The following RSU1 variants were observed in gnomAD, a reference collection of about 807,000 sequenced individuals.
RSU1 encodes rsu-1.
A neutral mutation model predicts 31.1 loss-of-function variants in RSU1; 26 were observed. The observed-to-expected ratio is 0.84, with a 90% CI of 0.61 to 1.16. RSU1 has a LOEUF of 1.16. RSU1 is among the 50% of genes most tolerant of loss of function. The pLI, the probability that RSU1 is intolerant of heterozygous loss-of-function variation, is 0.00. For missense variants in RSU1, 320 were observed against 339.1 expected (o/e 0.94, Z 0.44); for synonymous variants, 164 against 136.3 (o/e 1.20, Z -1.41).
intron 2 of RSU1, among the ~76,000 whole-genome samples, chr10:16,802,651 G>A (rs532534790): frequency 2.6e-5 from 4 of 152,148 alleles, no homozygotes; most frequent in South Asian, 2.1e-4. Flanking sequence ...TCTACAAAGC[G>A]TTAGCAAATA....
Position 16,695,100 on chromosome 10 carries a change from C to A in RSU1, c.654G>T (p.Trp218Cys), listed in dbSNP as rs1223067059. The change falls in exon 8 of 9, where the codon TGG (tryptophan) becomes TGT (cysteine). Residue 218 changes from tryptophan (W) to cysteine (C), a missense_variant. Transcript: ENST00000345264. ...KQVFKAENNP[W>C]VTPIADQFQL... ...GGAACTGGTCTGCAATGGGGGTCAC[C>A]CAGGGATTGTTCTCTGCTTTGAATA... is the stretch of plus-strand genomic sequence containing the variant. The A allele has an allele frequency of 6.2e-7, 1 of 1,610,894 alleles. No individual in the cohort carries two copies. The highest frequency in any genetic ancestry group is 8.5e-7 in the Non-Finnish European group (1 of 1,179,210).
chr10:16,641,997 TAA>T (rs1264482607), intron 8 of RSU1, among the ~76,000 whole-genome samples: 1 of 152,200 alleles, frequency 6.6e-6, no homozygotes, highest in Non-Finnish European at 1.5e-5. Context: ...GCTGACAATC[TAA>T]GATTCAGCTA....
intron 4 of RSU1, among the ~76,000 whole-genome samples, chr10:16,761,855 C>T (rs1265527378): frequency 6.6e-6 from 1 of 151,920 alleles, no homozygotes; most frequent in African/African-American, 2.4e-5. Flanking sequence ...GACTCTGTCT[C>T]AAAAACAAAA....
At chr10:16,733,925 T>C (rs190548290) in intron 7 of RSU1, among the ~76,000 whole-genome samples, 61 of 152,322 alleles carry the variant, frequency 4.0e-4, no homozygotes, top group Non-Finnish European at 7.1e-4. Context: ...TAGATAGCAA[T>C]TGCTTTCAAT....
chr10:16,750,682 C>G, intron 7 of RSU1, among the ~76,000 whole-genome samples: 1 of 152,032 alleles, frequency 6.6e-6, no homozygotes, highest in South Asian at 2.1e-4. Flanking sequence ...ACCACACTAA[C>G]CAAGCATACA....
At chr10:16,642,419 C>A (rs754223619) in intron 8 of RSU1, among the ~76,000 whole-genome samples, 8 of 152,288 alleles carry the variant, frequency 5.3e-5, no homozygotes, top group Middle Eastern at 6.8e-3. Flanking sequence ...CAATAGGAAT[C>A]TATTACCAGT....
chr10:16,766,435 G>GC (rs1837316530), intron 3 of RSU1, among the ~76,000 whole-genome samples: 1 of 152,160 alleles, frequency 6.6e-6, no homozygotes, highest in Non-Finnish European at 1.5e-5. Context: ...AATCACCAGG[G>GC]CCGGGAGCGG....
intron 8 of RSU1, among the ~76,000 whole-genome samples, chr10:16,686,843 T>C (rs1050390194): frequency 2.1e-5 from 3 of 142,676 alleles, no homozygotes; most frequent in African/African-American, 7.4e-5. Context: ...CTCCCTTTGA[T>C]GTTGCAGCTG....
At chr10:16,764,534 G>A (rs1392312627) in intron 3 of RSU1, 24 bp from the exon 4 acceptor site, 4 of 1,603,820 alleles carry the variant, frequency 2.5e-6, no homozygotes, top group Non-Finnish European at 3.4e-6. Context: ...AATGCTGAGT[G>A]TGAATCTGGG....
At chr10:16,701,615 TAC>T (rs45628736) in intron 7 of RSU1, among the ~76,000 whole-genome samples, 56,230 of 150,866 alleles carry the variant, frequency 0.37, 10,600 homozygotes, top group Middle Eastern at 0.46. Context: ...TAGTACAACT[TAC>T]ACACACACAC....
At chr10:16,787,942 T>C (rs2131656872) in intron 2 of RSU1, among the ~76,000 whole-genome samples, 1 of 152,356 alleles carries the variant, frequency 6.6e-6, no homozygotes, top group African/African-American at 2.4e-5. Context: ...TTTGTGGCTT[T>C]TAAACAGAAT....
At chr10:16,747,277 T>C (rs1182462825) in intron 7 of RSU1, among the ~76,000 whole-genome samples, 1 of 152,206 alleles carries the variant, frequency 6.6e-6, no homozygotes, top group Non-Finnish European at 1.5e-5. Flanking sequence ...CTCTTAAATG[T>C]ATGCTGATAA....
intron 7 of RSU1, among the ~76,000 whole-genome samples, chr10:16,735,054 T>G (rs1229434723): frequency 6.6e-6 from 1 of 152,174 alleles, no homozygotes; most frequent in Non-Finnish European, 1.5e-5. Context: ...ATTTTGACAT[T>G]AGACTTCTAA....
intron 8 of RSU1, among the ~76,000 whole-genome samples, chr10:16,669,660 C>A (rs1411164768): frequency 1.3e-5 from 2 of 152,142 alleles, no homozygotes; most frequent in Non-Finnish European, 2.9e-5. Context: ...CTCCCACTTA[C>A]AAATGAGAAC....
intron 7 of RSU1, among the ~76,000 whole-genome samples, chr10:16,748,920 C>G (rs1214277983): frequency 6.6e-6 from 1 of 151,788 alleles, no homozygotes; most frequent in African/African-American, 2.4e-5. Flanking sequence ...TTCTCTCTCT[C>G]TTTCTTCTGT....
intron 8 of RSU1, among the ~76,000 whole-genome samples, chr10:16,636,892 AC>A (rs1177269697): frequency 6.6e-5 from 10 of 152,292 alleles, no homozygotes; most frequent in African/African-American, 2.4e-4. Context: ...ACCATTGGGC[AC>A]AATACACAGC....
At chr10:16,764,622 G>A (rs1837276796) in intron 3 of RSU1, 112 bp from the exon 4 acceptor site, 2 of 1,162,518 alleles carry the variant, frequency 1.7e-6, no homozygotes, top group Non-Finnish European at 2.4e-6. Context: ...ACTTCAAAAG[G>A]GCCATCGAAT....
At chr10:16,701,515 G>C (rs1418890403) in intron 7 of RSU1, among the ~76,000 whole-genome samples, 1 of 152,070 alleles carries the variant, frequency 6.6e-6, no homozygotes, top group African/African-American at 2.4e-5. Flanking sequence ...TTTAAAAGAG[G>C]CATTCTGTAC....
At chr10:16,797,400 G>A (rs1272287532) in intron 2 of RSU1, among the ~76,000 whole-genome samples, 1 of 152,212 alleles carries the variant, frequency 6.6e-6, no homozygotes, top group East Asian at 1.9e-4. Context: ...AAATCAACCA[G>A]AGGACAGAGC....
Sources: gnomAD v4.1 joint callset for allele counts (sites outside exome capture counted in the v4.1 genomes callset) on GRCh38, gnomAD v4.1.1 for gene constraint, MANE v1.5 for transcripts, NCBI Gene and HGNC (gene_info 2026-07-23, HGNC 2026-07-21) for gene names.